The following TMEM74 variants were observed in gnomAD, a reference collection of about 807,000 sequenced individuals.
The protein encoded by TMEM74 is transmembrane protein 74.
In TMEM74, 13 loss-of-function variants were observed where a neutral mutation model predicts 18.1. The ratio of observed to expected loss-of-function variants is 0.72; its 90% CI spans 0.47 to 1.14. The LOEUF is 1.14. Among genes scored for constraint, TMEM74 ranks in the 50% most tolerant of loss-of-function variants. The pLI is 0.00. For missense variants in TMEM74, 372 were observed against 375.9 expected, an observed-to-expected ratio of 0.99 and a Z score of 0.09; for synonymous variants, 159 against 146.6, an observed-to-expected ratio of 1.08 and a Z score of -0.61.
chr8:108,770,232 A>T (rs1037980100), intron 1 of TMEM74, among the ~76,000 whole-genome samples: 1 of 152,142 alleles, frequency 6.6e-6, no homozygotes, highest in Non-Finnish European at 1.5e-5. Flanking sequence ...GAGTGGGTCC[A>T]CTGTTATAAG....
chr8:108,702,635 G>A lies in TMEM74; in HGVS notation n.120-47198C>T, dbSNP rs1813348728. Among the ~76,000 whole-genome samples, 5 of 152,004 alleles carry A rather than the reference G, an allele frequency of 3.3e-5. No individual in the cohort carries two copies. In the South Asian group the frequency reaches 8.3e-4, roughly 25 times the overall value. ...TTTTTATTTTACTTTAAGTTTTAAG[G>A]TACATGTGCACAACATGCATGTTTG... On this transcript the variant is annotated intron_variant and non_coding_transcript_variant, in intron 1 of 3. Coordinates refer to the TMEM74 transcript ENST00000518838.
intron 1 of TMEM74, among the ~76,000 whole-genome samples, chr8:108,728,959 G>A (rs1219061816): frequency 6.6e-6 from 1 of 152,180 alleles, no homozygotes; most frequent in Non-Finnish European, 1.5e-5. Context: ...ATTTAGAAGT[G>A]CGAGAATTAT....
At chr8:108,738,244 G>A (rs1477762393) in intron 1 of TMEM74, among the ~76,000 whole-genome samples, 3 of 152,132 alleles carry the variant, frequency 2.0e-5, no homozygotes, top group Non-Finnish European at 4.4e-5. Context: ...TTTGTGAATG[G>A]ATCATAATTG....
chr8:108,717,981 C>T (rs1234633380), intron 1 of TMEM74, among the ~76,000 whole-genome samples: 2 of 36,838 alleles, frequency 5.4e-5, no homozygotes, highest in Non-Finnish European at 7.3e-5. Flanking sequence ...TTTTTTGAGA[C>T]GGAGTCTCGC....
intron 1 of TMEM74, among the ~76,000 whole-genome samples, chr8:108,725,945 T>C (rs144418700): frequency 1.4e-4 from 21 of 152,300 alleles, no homozygotes; most frequent in Non-Finnish European, 2.8e-4. Context: ...GATTGTTGGA[T>C]ATTTATGAAG....
At chr8:108,739,462 T>A (rs971546200) in intron 1 of TMEM74, among the ~76,000 whole-genome samples, 9 of 152,192 alleles carry the variant, frequency 5.9e-5, no homozygotes, top group African/African-American at 2.2e-4. Flanking sequence ...TTCAGACCCT[T>A]GGGGTGTGTG....
intron 1 of TMEM74, among the ~76,000 whole-genome samples, chr8:108,673,911 G>T (rs1000650182): frequency 6.6e-6 from 1 of 152,056 alleles, no homozygotes; most frequent in African/African-American, 2.4e-5. Flanking sequence ...TTTAAGTTTG[G>T]GTATGGCAAA....
At chr8:108,647,659 T>C (rs962466386) in intron 2 of TMEM74, among the ~76,000 whole-genome samples, 1 of 152,118 alleles carries the variant, frequency 6.6e-6, no homozygotes, top group Non-Finnish European at 1.5e-5. Flanking sequence ...TTAATACATG[T>C]ATTCAATACA....
chr8:108,665,668 G>A (rs1278790715), intron 1 of TMEM74, among the ~76,000 whole-genome samples: 1 of 152,148 alleles, frequency 6.6e-6, no homozygotes, highest in South Asian at 2.1e-4. Context: ...TAATGTGGTT[G>A]TCTAAGTGTG....
intron 2 of TMEM74, among the ~76,000 whole-genome samples, chr8:108,640,611 A>C (rs1812655788): frequency 6.6e-6 from 1 of 152,086 alleles, no homozygotes; most frequent in Non-Finnish European, 1.5e-5. Flanking sequence ...TTTCAGGCTC[A>C]GGGCATTAAA....
intron 1 of TMEM74, among the ~76,000 whole-genome samples, chr8:108,664,208 C>T (rs1210478480): frequency 6.6e-6 from 1 of 152,104 alleles, no homozygotes; most frequent in East Asian, 1.9e-4. Context: ...CTGTACATTC[C>T]TTTGGGCAGT....
chr8:108,748,480 G>A (rs561133105), intron 1 of TMEM74, among the ~76,000 whole-genome samples: 19 of 151,880 alleles, frequency 1.3e-4, no homozygotes, highest in South Asian at 2.1e-4. Context: ...TTTGTCACAT[G>A]GATAGATTGT....
At chr8:108,662,253 C>G (rs776366710) in intron 1 of TMEM74, among the ~76,000 whole-genome samples, 2 of 151,928 alleles carry the variant, frequency 1.3e-5, no homozygotes, top group Non-Finnish European at 2.9e-5. Flanking sequence ...CATACAAACA[C>G]ACACATAAGA....
intron 1 of TMEM74, among the ~76,000 whole-genome samples, chr8:108,717,734 G>T (rs1269958855): frequency 6.6e-6 from 1 of 152,052 alleles, no homozygotes; most frequent in Non-Finnish European, 1.5e-5. Flanking sequence ...CTAGGTAGAG[G>T]GAACAGGGCC....
At chr8:108,639,339 T>C (rs1315244113) in intron 2 of TMEM74, among the ~76,000 whole-genome samples, 1 of 152,162 alleles carries the variant, frequency 6.6e-6, no homozygotes, top group Non-Finnish European at 1.5e-5. Flanking sequence ...ACTGTTTGAC[T>C]CTAAGGCTCA....
At chr8:108,654,757 GT>G (rs36003094) in intron 2 of TMEM74, among the ~76,000 whole-genome samples, 35,865 of 147,480 alleles carry the variant, frequency 0.24, 4,648 homozygotes, top group East Asian at 0.42. Context: ...TTTACCAAGT[GT>G]TTTTTTTTTT....
chr8:108,671,101 C>G (rs1366921916), intron 1 of TMEM74, among the ~76,000 whole-genome samples: 2 of 152,172 alleles, frequency 1.3e-5, no homozygotes, highest in South Asian at 4.1e-4. Flanking sequence ...AGGGTTCATA[C>G]AAAACTTGGT....
At chr8:108,612,895 C>T (rs1185014219) in intron 2 of TMEM74, among the ~76,000 whole-genome samples, 1 of 152,082 alleles carries the variant, frequency 6.6e-6, no homozygotes, top group African/African-American at 2.4e-5. Context: ...GCCTCATTGG[C>T]ATTAAAATAA....
intron 1 of TMEM74, among the ~76,000 whole-genome samples, chr8:108,772,520 G>C (rs1201254748): frequency 1.3e-5 from 2 of 152,120 alleles, no homozygotes; most frequent in Admixed American, 6.6e-5. Context: ...AGCCTATACT[G>C]AGCAACTTGT....
Sources: allele counts gnomAD v4.1 joint callset (sites outside exome capture counted in the v4.1 genomes callset), GRCh38; gene constraint gnomAD v4.1.1; transcripts MANE v1.5; gene names NCBI Gene and HGNC (gene_info 2026-07-23, HGNC 2026-07-21).